Variants in TTL observed in about 807,000 individuals in gnomAD.
TTL encodes the protein tubulin tyrosine ligase.
A neutral mutation model predicts 41.1 loss-of-function variants in TTL; 10 were observed. The ratio of observed to expected loss-of-function variants is 0.24; its 90% CI spans 0.15 to 0.41. TTL has a LOEUF of 0.41. TTL is among the 10% of genes least tolerant of loss of function. The pLI is 1.00. For synonymous variants in TTL, 175 were observed against 175.5 expected, an observed-to-expected ratio of 1.00 and a Z score of 0.02; for missense variants, 367 against 460.4, an observed-to-expected ratio of 0.80 and a Z score of 1.86.
At chr2:112,524,237 T>C (rs867278465) in intron 6 of TTL, among the ~76,000 whole-genome samples, 9 of 152,230 alleles carry the variant, frequency 5.9e-5, no homozygotes, top group Non-Finnish European at 1.2e-4. Flanking sequence ...CTATTGTGAA[T>C]AGTGCTACAA....
chr2:112,523,067 C>T (rs1214019256), intron 6 of TTL, among the ~76,000 whole-genome samples: 2 of 152,194 alleles, frequency 1.3e-5, no homozygotes, highest in Middle Eastern at 3.2e-3. Flanking sequence ...CCTTACCCAC[C>T]TCTCCAGCTT....
At position 112,539,058 on chromosome 2, in the gene TTL, A is replaced by C. The variant is rs1303208379; in HGVS notation, c.*10263A>C. On this transcript the variant is annotated 3_prime_UTR_variant, in exon 7 of 7. Coordinates refer to ENST00000233336, the MANE Select transcript of TTL (RefSeq NM_153712.5). ...CTTGAACCTGGAAGGCGGAGGTTGC[A>C]GTGAGCCGAGATTGCGCCACTGCAC... The C allele has an allele frequency of 6.8e-6, 1 of 148,128 alleles. No homozygotes were observed. Among genetic ancestry groups the C allele is most frequent in the Non-Finnish European group, 1.5e-5 (1 of 67,538 alleles). 9.2% of individuals were successfully genotyped at this position (148,128 alleles called of 1,614,324 possible).
At chr2:112,487,157 C>G (rs745876993) in intron 2 of TTL, among the ~76,000 whole-genome samples, 1 of 152,178 alleles carries the variant, frequency 6.6e-6, no homozygotes, top group Non-Finnish European at 1.5e-5. Flanking sequence ...GCAAAATGCT[C>G]TTTTCCCACT....
chr2:112,519,866 C>T (rs146170443), intron 5 of TTL, among the ~76,000 whole-genome samples: 17 of 152,146 alleles, frequency 1.1e-4, no homozygotes, highest in African/African-American at 3.6e-4. Flanking sequence ...CACGATGGCT[C>T]GCACCTGTAA....
chr2:112,494,858 C>G (rs1196491061), intron 3 of TTL, among the ~76,000 whole-genome samples: 2 of 152,046 alleles, frequency 1.3e-5, no homozygotes, highest in East Asian at 3.8e-4. Flanking sequence ...CCCTGCTTCC[C>G]CTCTAAATCA....
In TTL at chr2:112,482,365, C is replaced by A. The variant is rs752655545; in HGVS notation, c.21C>A (p.Arg7=). Residue 7 remains arginine, a synonymous_variant, in exon 1 of 7, where the codon CGC becomes CGA. Coordinates refer to ENST00000233336, the MANE Select transcript of TTL (RefSeq NM_153712.5). This position sits in a 1 kb window ranked among gnomAD's most constrained non-coding sequence, Gnocchi z 5.3. The part of the protein sequence containing the change: MYTFVV[R]DENSSVYAEV... ...TCGCCATGTACACCTTCGTGGTACGCGATGAGAACAGCAGCGTCTACGCCG... is the reference window on the plus strand; with the variant it reads ...TCGCCATGTACACCTTCGTGGTACGAGATGAGAACAGCAGCGTCTACGCCG... 1 of 1,569,216 alleles carries A rather than the reference C, an allele frequency of 6.4e-7. No individual in the cohort carries two copies. The highest frequency in any genetic ancestry group is 1.9e-5 in the Admixed American group (1 of 52,256).
intron 5 of TTL, 152 bp from the exon 6 acceptor site, chr2:112,520,130 C>CAAA (rs34238996): frequency 1.2e-3 from 588 of 505,084 alleles, no homozygotes; most frequent in Middle Eastern, 2.3e-3. Context: ...AACTCCGTCT[C>CAAA]AAAAAAAAAA....
At chr2:112,510,189 G>A (rs945293652) in intron 5 of TTL, among the ~76,000 whole-genome samples, 1 of 152,086 alleles carries the variant, frequency 6.6e-6, no homozygotes, top group Non-Finnish European at 1.5e-5. Context: ...TGGAGTACAA[G>A]TGTGATCATA....
intron 3 of TTL, among the ~76,000 whole-genome samples, chr2:112,494,685 T>C (rs928178596): frequency 5.9e-5 from 9 of 152,282 alleles, no homozygotes; most frequent in African/African-American, 2.2e-4. Context: ...CTTCACGCTT[T>C]CCACTTAGTA....
rs3980068 is a variant in TTL at position 112,535,194 on chromosome 2, G to T, written c.*6399G>T. On this transcript the variant is annotated 3_prime_UTR_variant, in exon 7 of 7. Coordinates refer to ENST00000233336, the MANE Select transcript of TTL (RefSeq NM_153712.5). ...TTTACTTGAGAAGTTTAAAAAATGT[G>T]TGAACTGGTAAAAGAAGTAATCAGC... 0.97 allele frequency: 148,014 copies of T among 152,300 alleles called. 72,031 individuals are homozygous for T. Among genetic ancestry groups the T allele is most frequent in the East Asian group, 1 (5,191 of 5,192 alleles). The allele number at this position is 152,300 out of a possible 1,614,324, so 9.4% of individuals were successfully genotyped here.
rs542827396 is a variant in TTL, at chr2:112,537,765, T to C, written c.*8970T>C. 1.3e-5 allele frequency: 2 copies of C among 152,306 alleles called. No individual in the cohort carries two copies. The highest frequency in any genetic ancestry group is 3.9e-4 in the East Asian group (2 of 5,190). 9.4% of individuals were successfully genotyped at this position (152,306 alleles called of 1,614,324 possible). A position where few individuals can be genotyped will look rare whatever the true frequency, so the allele number is the denominator to read the frequency against. Reference sequence around the variant, plus strand: ...GAGAATTGAAGGAAGAAACAGACAATTTAACTACAATAGTTGGAACCCTCA... The same window carrying C: ...GAGAATTGAAGGAAGAAACAGACAACTTAACTACAATAGTTGGAACCCTCA... On this transcript the variant is annotated 3_prime_UTR_variant, in exon 7 of 7. Coordinates refer to ENST00000233336, the MANE Select transcript of TTL (RefSeq NM_153712.5).
At chr2:112,495,764 G>A (rs6736235) in intron 3 of TTL, among the ~76,000 whole-genome samples, 24,799 of 151,996 alleles carry the variant, frequency 0.16, 2,301 homozygotes, top group East Asian at 0.3. Flanking sequence ...GGAGAATGGC[G>A]TGAACCCGGG....
At chr2:112,518,238 CA>C (rs929671244) in intron 5 of TTL, among the ~76,000 whole-genome samples, 3 of 151,182 alleles carry the variant, frequency 2.0e-5, no homozygotes, top group African/African-American at 7.3e-5. Context: ...CTTGGCCTCC[CA>C]ATATGCTGGG....
chr2:112,524,049 G>A lies in TTL; in HGVS notation c.1019+3624G>A, dbSNP rs1682313530. Among the ~76,000 whole-genome samples, 4 of 152,050 alleles carry A rather than the reference G, an allele frequency of 2.6e-5. No individual in the cohort carries two copies. The South Asian group carries it at 8.3e-4, about 32-fold the overall frequency. On this transcript the variant is annotated intron_variant, in intron 6 of 6. Coordinates refer to ENST00000233336, the MANE Select transcript of TTL (RefSeq NM_153712.5). ...TATGAGTGAGAACATGCAGTGTTTT[G>A]TTTTCTATCCCTGTGATAGTTTGCT...
chr2:112,510,988 A>G (rs974878050), intron 5 of TTL, among the ~76,000 whole-genome samples: 5 of 152,118 alleles, frequency 3.3e-5, no homozygotes, highest in African/African-American at 1.2e-4. Context: ...CAGAATGTGT[A>G]CTTGGCTATA....
At chr2:112,518,397 T>G (rs1266917198) in intron 5 of TTL, among the ~76,000 whole-genome samples, 2 of 151,986 alleles carry the variant, frequency 1.3e-5, no homozygotes, top group African/African-American at 4.8e-5. Flanking sequence ...GAAGAAATTT[T>G]TATTATAATT....
At chr2:112,509,786 C>T (rs556044837) in intron 5 of TTL, among the ~76,000 whole-genome samples, 7 of 152,336 alleles carry the variant, frequency 4.6e-5, no homozygotes, top group East Asian at 3.9e-4. Flanking sequence ...TCTTCTGCGT[C>T]GCTCACGCTG....
chr2:112,501,077 G>A, intron 3 of TTL, 129 bp from the exon 4 acceptor site: 2 of 805,178 alleles, frequency 2.5e-6, no homozygotes, highest in Non-Finnish European at 3.7e-6. Flanking sequence ...GTAAGGAAGG[G>A]AGGGAAAAAG....
chr2:112,490,291 G>T (rs184310910), intron 2 of TTL, among the ~76,000 whole-genome samples: 2 of 151,974 alleles, frequency 1.3e-5, no homozygotes, highest in Non-Finnish European at 2.9e-5. Context: ...GGTGGTGTGC[G>T]CCTGTAATCC....
Sources: allele counts gnomAD v4.1 joint callset (sites outside exome capture counted in the v4.1 genomes callset), GRCh38; gene constraint gnomAD v4.1.1; non-coding constraint Gnocchi (gnomAD v3.1); transcripts MANE v1.5; gene names NCBI Gene and HGNC (gene_info 2026-07-23, HGNC 2026-07-21).